PTER: variants seen among roughly 807,000 people sequenced by gnomAD.
PTER encodes N-acetyltaurine hydrolase.
A neutral mutation model predicts 29.6 loss-of-function variants in PTER; 38 were observed. That is an observed-to-expected ratio of 1.28 (90% CI 0.99 to 1.68). The LOEUF is 1.68. Ranked by LOEUF, PTER falls within the 40% of genes most tolerant of loss-of-function variation. The probability of loss-of-function intolerance (pLI) is 0.00; values close to 1 mark genes in which losing one functional copy is unlikely to be tolerated. For synonymous variants in PTER, 172 were observed against 154.5 expected, an observed-to-expected ratio of 1.11 and a Z score of -0.84; for missense variants, 482 against 427.8, an observed-to-expected ratio of 1.13 and a Z score of -1.12.
intron 1 of PTER, among the ~76,000 whole-genome samples, chr10:16,445,497 A>G (rs1242814478): frequency 6.6e-6 from 1 of 152,134 alleles, no homozygotes; most frequent in Non-Finnish European, 1.5e-5. Context: ...GGCCTAGATT[A>G]TTTGAGACAT....
chr10:16,474,389 A>C (rs1835176382), intron 1 of PTER, among the ~76,000 whole-genome samples: 1 of 152,182 alleles, frequency 6.6e-6, no homozygotes, highest in Admixed American at 6.5e-5. Flanking sequence ...TCTAACACTC[A>C]AATAATTCTT....
intron 3 of PTER, among the ~76,000 whole-genome samples, chr10:16,499,251 C>G (rs1235658072): frequency 1.3e-5 from 2 of 151,906 alleles, no homozygotes; most frequent in African/African-American, 4.8e-5. Flanking sequence ...TTTCTTGTTT[C>G]CCGTCCCACC....
At chr10:16,446,409 G>A (rs761615944) in intron 1 of PTER, among the ~76,000 whole-genome samples, 10 of 152,116 alleles carry the variant, frequency 6.6e-5, no homozygotes, top group Non-Finnish European at 1.0e-4. Context: ...TACTAGAGAC[G>A]TGTTTCCACC....
At chr10:16,443,885 T>A (rs1320900350) in intron 1 of PTER, among the ~76,000 whole-genome samples, 1 of 152,202 alleles carries the variant, frequency 6.6e-6, no homozygotes, top group South Asian at 2.1e-4. Context: ...TTCTATAAAG[T>A]GGTATCTTGT....
chr10:16,480,577 G>T (rs558655165), intron 1 of PTER, among the ~76,000 whole-genome samples: 22 of 152,084 alleles, frequency 1.4e-4, no homozygotes, highest in Non-Finnish European at 2.9e-4. Flanking sequence ...TCCGGGGTGG[G>T]AGAAGAGCCT....
intron 1 of PTER, among the ~76,000 whole-genome samples, chr10:16,472,958 C>T (rs958597079): frequency 6.0e-5 from 9 of 151,158 alleles, no homozygotes; most frequent in Non-Finnish European, 8.8e-5. Context: ...GTAATTTAAT[C>T]GAGTAGGTCT....
intron 3 of PTER, among the ~76,000 whole-genome samples, chr10:16,496,547 A>C (rs1006492963): frequency 1.3e-5 from 2 of 152,168 alleles, no homozygotes; most frequent in Non-Finnish European, 2.9e-5. Context: ...GCAATTCACC[A>C]GGGGTTTTCT....
In PTER at chr10:16,468,141, A is replaced by G. The variant is rs578112708; in HGVS notation, c.-48-16196A>G. 5.9e-5 allele frequency among the ~76,000 whole-genome samples: 9 copies of G among 152,316 alleles called. No homozygotes were observed. In the South Asian group the frequency reaches 1.7e-3, roughly 28 times the overall value. On this transcript the variant is annotated intron_variant, in intron 1 of 4. Transcript: ENST00000535784. ...CGGATCACTTTAGGTCAGGAGTTTG[A>G]GACCAGCCTGGCCAACATGGCGAAA... is the stretch of plus-strand genomic sequence containing the variant.
intron 1 of PTER, among the ~76,000 whole-genome samples, chr10:16,446,677 C>T (rs1009289158): frequency 3.3e-5 from 5 of 152,030 alleles, no homozygotes; most frequent in East Asian, 3.9e-4. Context: ...TGTTGCTACT[C>T]GTTATTGTTG....
chr10:16,477,295 G>GATAGATAGATAGATAGATAA (rs560568755), intron 1 of PTER, among the ~76,000 whole-genome samples: 21 of 143,518 alleles, frequency 1.5e-4, no homozygotes, highest in East Asian at 6.1e-4. Flanking sequence ...TAGATAGATA[G>GATAGATAGATAGATAGATAA]ATAGATGGAT....
intron 1 of PTER, among the ~76,000 whole-genome samples, chr10:16,483,361 T>C (rs1344507282): frequency 2.6e-5 from 4 of 152,216 alleles, no homozygotes; most frequent in Admixed American, 2.6e-4. Context: ...GCATTCAACC[T>C]GAAGAGGTTC....
At position 16,472,650 on chromosome 10, in the gene PTER, C is replaced by G. The variant is rs574946642; in HGVS notation, c.-48-11687C>G. ...TATATCTTTATTAGCAGCCTGAGAA[C>G]AGACTAATACAGTCCTTCTCCCCCA... On this transcript the variant is annotated intron_variant, in intron 1 of 4. Transcript: ENST00000535784. Among the ~76,000 whole-genome samples the G allele has an allele frequency of 1.1e-4, 17 of 152,278 alleles. No homozygotes were observed. The South Asian group carries it at 3.3e-3, about 30-fold the overall frequency.
At chr10:16,500,122 C>T (rs1202495421) in intron 3 of PTER, among the ~76,000 whole-genome samples, 2 of 152,106 alleles carry the variant, frequency 1.3e-5, no homozygotes, top group South Asian at 2.1e-4. Flanking sequence ...TCTCCCCTCA[C>T]GTGTGATCAT....
chr10:16,480,736 A>G (rs1835449467), intron 1 of PTER, among the ~76,000 whole-genome samples: 1 of 152,222 alleles, frequency 6.6e-6, no homozygotes, highest in African/African-American at 2.4e-5. Flanking sequence ...CATCTTAAGT[A>G]TAATGGCCAG....
At position 16,511,069 on chromosome 10, in the gene PTER, G is replaced by T; in HGVS notation, c.863G>T (p.Gly288Val). Residue 288 changes from glycine to valine, a missense_variant, in exon 5 of 5, where the codon GGC (glycine) becomes GTC (valine). Physicochemically the swap from Gly to Val is moderately radical, Grantham distance 109 (BLOSUM62 -3). Transcript: ENST00000535784. Reference sequence around the variant, plus strand: ...AGGGTGCGTCTCCTGGTGGAAGAGGGCTGTGAAGATCGAATTCTGGTAGCA... The same window carrying T: ...AGGGTGCGTCTCCTGGTGGAAGAGGTCTGTGAAGATCGAATTCTGGTAGCA... Reference protein sequence around the residue: ...IRRVRLLVEEGCEDRILVAHD... With the variant: ...IRRVRLLVEEVCEDRILVAHD... 1.2e-6 allele frequency: 2 copies of T among 1,613,690 alleles called. No individual in the cohort carries two copies. The highest frequency in any genetic ancestry group is 8.5e-7 in the Non-Finnish European group (1 of 1,179,778).
chr10:16,491,304 A>G (rs1194844233), intron 3 of PTER, among the ~76,000 whole-genome samples: 1 of 152,186 alleles, frequency 6.6e-6, no homozygotes, highest in Non-Finnish European at 1.5e-5. Context: ...ATTCGGAAAA[A>G]CATACCGAAT....
intron 4 of PTER, among the ~76,000 whole-genome samples, chr10:16,510,069 G>A (rs147528527): frequency 1.4e-4 from 22 of 152,110 alleles, no homozygotes; most frequent in South Asian, 1.0e-3. Flanking sequence ...CTGTCCGTCC[G>A]TCTAGATCCA....
intron 1 of PTER, among the ~76,000 whole-genome samples, chr10:16,482,154 T>C (rs1564399318): frequency 6.6e-6 from 1 of 152,194 alleles, no homozygotes; most frequent in Non-Finnish European, 1.5e-5. Flanking sequence ...AAGTCCTAAG[T>C]TCTGTCCAAA....
intron 1 of PTER, among the ~76,000 whole-genome samples, chr10:16,470,531 A>G (rs111325071): frequency 0.024 from 3,659 of 152,240 alleles, 147 homozygotes; most frequent in African/African-American, 0.083. Context: ...ACTTTGGGAG[A>G]TCGAGGCAGG....
Sources: allele counts gnomAD v4.1 joint callset (sites outside exome capture counted in the v4.1 genomes callset), GRCh38; gene constraint gnomAD v4.1.1; transcripts MANE v1.5; gene names NCBI Gene and HGNC (gene_info 2026-07-23, HGNC 2026-07-21).